The following ANGPT1 variants were observed in gnomAD, a reference collection of about 807,000 sequenced individuals.
ANGPT1 encodes angiopoietin 1, also known as angiopoietin-1.
Under a neutral mutation model 62.2 loss-of-function variants are expected in ANGPT1, and 17 were observed. The observed-to-expected ratio is 0.27, with a 90% CI of 0.19 to 0.41. The LOEUF (loss-of-function observed/expected upper bound fraction) is 0.41, where lower values mean the gene tolerates loss of function less well. ANGPT1 is among the 10% of genes least tolerant of loss of function. The pLI is 1.00. For synonymous variants in ANGPT1, 199 were observed against 198.9 expected (o/e 1.00, Z 0.00); for missense variants, 478 against 594.9 (o/e 0.80, Z 2.04).
In ANGPT1 at chr8:107,312,865, T is replaced by C. The variant is rs141889676; in HGVS notation, c.808+9031A>G. Among the ~76,000 whole-genome samples the C allele has an allele frequency of 5.0e-3, 755 of 152,096 alleles. 4 individuals are homozygous for C. Among genetic ancestry groups the C allele is most frequent in the Non-Finnish European group, 8.3e-3 (567 of 67,968 alleles). On this transcript the variant is annotated intron_variant, in intron 4 of 8. Transcript: ENST00000517746. ...CCTGCTCCTTCTAAACCACCATGCC[T>C]GCCCTCTCGATGGTATACACCTGCT...
intron 4 of ANGPT1, among the ~76,000 whole-genome samples, chr8:107,315,969 T>C (rs1815004220): frequency 6.6e-6 from 1 of 152,202 alleles, no homozygotes; most frequent in African/African-American, 2.4e-5. Flanking sequence ...TGCCAGACTC[T>C]GTCCCACAGG....
rs183519280 is a variant in ANGPT1 at position 107,312,225 on chromosome 8, G to C, written c.809-8858C>G. On this transcript the variant is annotated intron_variant, in intron 4 of 8. Transcript: ENST00000517746. Reference sequence around the variant, plus strand: ...TGTTGGGCAGTTACGAATGCTGCACGGCCCTTGCCATTTGTTCAGGAGCTC... The same window carrying C: ...TGTTGGGCAGTTACGAATGCTGCACCGCCCTTGCCATTTGTTCAGGAGCTC... Among the ~76,000 whole-genome samples the C allele has an allele frequency of 4.0e-3, 614 of 152,246 alleles. 11 individuals are homozygous for C. The highest frequency in any genetic ancestry group is 0.014 in the African/African-American group (596 of 41,542).
intron 1 of ANGPT1, among the ~76,000 whole-genome samples, chr8:107,352,521 C>T (rs117211442): frequency 1.7e-3 from 263 of 152,186 alleles, no homozygotes; most frequent in Non-Finnish European, 3.1e-3. Context: ...AAAACCCTTG[C>T]GGGCTTCAGT....
intron 1 of ANGPT1, among the ~76,000 whole-genome samples, chr8:107,428,352 A>G (rs1305703050): frequency 6.6e-6 from 1 of 152,192 alleles, no homozygotes; most frequent in Non-Finnish European, 1.5e-5. Context: ...CAAGCTCCAG[A>G]GTCTACCCTA....
chr8:107,417,924 G>A (rs1810794983), intron 1 of ANGPT1, among the ~76,000 whole-genome samples: 1 of 152,126 alleles, frequency 6.6e-6, no homozygotes, highest in Admixed American at 6.5e-5. Context: ...TTCCCTCATA[G>A]TCTTGTAAAA....
chr8:107,460,991 T>G lies in ANGPT1; in HGVS notation c.297+36271A>C, dbSNP rs142099838. ...GGTTGCCTGACTCTCCAAGGGTACT[T>G]GAACCTCATAGCCACATTGCAGTGT... On this transcript the variant is annotated intron_variant, in intron 1 of 8. Coordinates refer to ENST00000517746, the MANE Select transcript of ANGPT1 (RefSeq NM_001146.5). 1.4e-3 allele frequency among the ~76,000 whole-genome samples: 208 copies of G among 152,276 alleles called. 3 individuals carry two copies. Among genetic ancestry groups the G allele is most frequent in the African/African-American group, 4.7e-3 (195 of 41,568 alleles).
chr8:107,357,821 T>C lies in ANGPT1; in HGVS notation c.298-10724A>G, dbSNP rs182484632. On this transcript the variant is annotated intron_variant, in intron 1 of 8. Coordinates refer to ENST00000517746, the MANE Select transcript of ANGPT1 (RefSeq NM_001146.5). ...AGGAATACCATGACTAGGTAGAAAA[T>C]TGTCATCATTTTACTCTGGTATTTT... is the stretch of plus-strand genomic sequence containing the variant. Among the ~76,000 whole-genome samples the C allele has an allele frequency of 4.6e-5, 7 of 152,224 alleles. No individual in the cohort carries two copies. In the East Asian group the frequency reaches 1.2e-3, roughly 25 times the overall value.
At chr8:107,360,230 C>T (rs1243774054) in intron 1 of ANGPT1, among the ~76,000 whole-genome samples, 1 of 152,174 alleles carries the variant, frequency 6.6e-6, no homozygotes, top group Non-Finnish European at 1.5e-5. Flanking sequence ...CTGTAACAAT[C>T]GTCTTTGTTT....
intron 1 of ANGPT1, among the ~76,000 whole-genome samples, chr8:107,477,828 G>A (rs904674541): frequency 1.3e-5 from 2 of 151,904 alleles, no homozygotes; most frequent in African/African-American, 4.8e-5. Flanking sequence ...AAGGATTTTG[G>A]ACTACCCCGA....
intron 1 of ANGPT1, among the ~76,000 whole-genome samples, chr8:107,372,902 C>T (rs1019268672): frequency 6.6e-6 from 1 of 151,770 alleles, no homozygotes; most frequent in Non-Finnish European, 1.5e-5. Context: ...AAAGGTAAGG[C>T]TCAATTTCTC....
chr8:107,380,015 T>C (rs933972065), intron 1 of ANGPT1, among the ~76,000 whole-genome samples: 1 of 152,060 alleles, frequency 6.6e-6, no homozygotes, highest in Non-Finnish European at 1.5e-5. Context: ...CGCGCACACA[T>C]GTTATAACTA....
chr8:107,376,541 TG>T (rs1404049613), intron 1 of ANGPT1, among the ~76,000 whole-genome samples: 1 of 152,186 alleles, frequency 6.6e-6, no homozygotes, highest in Non-Finnish European at 1.5e-5. Context: ...TGTTTGTTTT[TG>T]TTTTTTTGTG....
At chr8:107,412,135 C>T (rs1320090584) in intron 1 of ANGPT1, among the ~76,000 whole-genome samples, 1 of 151,992 alleles carries the variant, frequency 6.6e-6, no homozygotes, top group Non-Finnish European at 1.5e-5. Context: ...CAAAATAGCC[C>T]AAGATTGAGA....
At chr8:107,416,578 C>T (rs1440181573) in intron 1 of ANGPT1, among the ~76,000 whole-genome samples, 1 of 152,068 alleles carries the variant, frequency 6.6e-6, no homozygotes, top group African/African-American at 2.4e-5. Context: ...ATGGAAACCT[C>T]ATTGGACAGG....
chr8:107,253,168 A>T (rs1370824676), intron 8 of ANGPT1, among the ~76,000 whole-genome samples: 2 of 152,222 alleles, frequency 1.3e-5, no homozygotes, highest in African/African-American at 4.8e-5. Context: ...GGGAACCACA[A>T]GGTATGTCTT....
At chr8:107,392,732 A>AT (rs573507561) in intron 1 of ANGPT1, among the ~76,000 whole-genome samples, 82 of 152,236 alleles carry the variant, frequency 5.4e-4, no homozygotes, top group African/African-American at 1.9e-3. Context: ...TTTTAATGGG[A>AT]TTTTTTGTAT....
At chr8:107,253,430 CTCTT>C (rs1348452574) in intron 8 of ANGPT1, among the ~76,000 whole-genome samples, 1 of 152,172 alleles carries the variant, frequency 6.6e-6, no homozygotes, top group African/African-American at 2.4e-5. Context: ...GCCCAAAAGA[CTCTT>C]TCTAAAGGAC....
chr8:107,288,274 G>A, intron 6 of ANGPT1, among the ~76,000 whole-genome samples: 1 of 152,036 alleles, frequency 6.6e-6, no homozygotes, highest in Non-Finnish European at 1.5e-5. Context: ...TAGTACTAAT[G>A]AAAGCACAGA....
intron 8 of ANGPT1, among the ~76,000 whole-genome samples, chr8:107,257,887 G>GTTTTTTTTTTT (rs774474320): frequency 1.8e-5 from 2 of 110,944 alleles, no homozygotes; most frequent in African/African-American, 6.6e-5. Context: ...TTTCTTTTTT[G>GTTTTTTTTTTT]TTTGTTTGTT....
Sources: allele counts gnomAD v4.1 joint callset (sites outside exome capture counted in the v4.1 genomes callset), GRCh38; gene constraint gnomAD v4.1.1; transcripts MANE v1.5; gene names NCBI Gene and HGNC (gene_info 2026-07-23, HGNC 2026-07-21).